Variants in ATG13 observed in about 807,000 individuals in gnomAD.
ATG13 encodes the protein autophagy related 13.
In ATG13, 23 loss-of-function variants were observed where a neutral mutation model predicts 65.5. That is an observed-to-expected ratio of 0.35 (90% confidence interval 0.25 to 0.50). The LOEUF (loss-of-function observed/expected upper bound fraction) is 0.50, where lower values mean the gene tolerates loss of function less well. ATG13 is among the 20% of genes least tolerant of loss of function. The pLI, the probability that ATG13 is intolerant of heterozygous loss-of-function variation, is 0.98. For synonymous variants in ATG13, 252 were observed against 245.2 expected (o/e 1.03, Z -0.26); for missense variants, 566 against 677.0 (o/e 0.84, Z 1.82).
chr11:46,642,275 A>G (rs994825432), intron 2 of ATG13, among the ~76,000 whole-genome samples: 3 of 141,954 alleles, frequency 2.1e-5, no homozygotes, highest in Non-Finnish European at 3.0e-5. Context: ...AAATCTTATC[A>G]GCTCTTCCTT....
At chr11:46,620,573 T>C (rs557959425) in intron 1 of ATG13, among the ~76,000 whole-genome samples, 1 of 151,602 alleles carries the variant, frequency 6.6e-6, no homozygotes, top group South Asian at 2.1e-4. Context: ...TTCGGGAGTT[T>C]GAGACTAGCT....
chr11:46,641,966 C>T (rs1248391877), intron 2 of ATG13, among the ~76,000 whole-genome samples: 4 of 151,798 alleles, frequency 2.6e-5, no homozygotes, highest in African/African-American at 7.3e-5. Flanking sequence ...TGATTAGAGA[C>T]GGGTTGTGCC....
Position 46,639,543 on chromosome 11 carries a change from C to T in ATG13, c.-13-4736C>T, listed in dbSNP as rs569517010. ...ACTGTAACAGGTCCATTGTTCATTT[C>T]GTGCAGCAAGTGAGTATGCGGAGAC... is the stretch of plus-strand genomic sequence containing the variant. On this transcript the variant is annotated intron_variant, in intron 2 of 18. Coordinates refer to ENST00000683050, the MANE Select transcript of ATG13 (RefSeq NM_001346311.2). Among the ~76,000 whole-genome samples, 64 of 152,108 alleles carry T rather than the reference C, an allele frequency of 4.2e-4. 1 individual carries two copies. Among genetic ancestry groups the T allele is most frequent in the African/African-American group, 1.4e-3 (58 of 41,510 alleles).
chr11:46,639,241 C>G (rs2055054583), intron 2 of ATG13, among the ~76,000 whole-genome samples: 1 of 152,170 alleles, frequency 6.6e-6, no homozygotes, highest in South Asian at 2.1e-4. Flanking sequence ...CTACCTTGGC[C>G]TCCCACAGTG....
chr11:46,657,313 A>G lies in ATG13; in HGVS notation c.596+122A>G, dbSNP rs1335317735. 8 of 1,027,700 alleles carry G rather than the reference A, an allele frequency of 7.8e-6. No homozygotes were observed. The East Asian group carries it at 1.3e-4, about 16-fold the overall frequency. 63.7% of individuals were successfully genotyped at this position (1,027,700 alleles called of 1,614,324 possible). A position where few individuals can be genotyped will look rare whatever the true frequency, so the allele number is the denominator to read the frequency against. Reference sequence around the variant, plus strand: ...TGAAAGCAGTACCTTCAGAAGAATAAAGAGAGAGTGCAGTTGCCAGATTGG... The same window carrying G: ...TGAAAGCAGTACCTTCAGAAGAATAGAGAGAGAGTGCAGTTGCCAGATTGG... On this transcript the variant is annotated intron_variant, in intron 9 of 18. Coordinates refer to ENST00000683050, the MANE Select transcript of ATG13 (RefSeq NM_001346311.2).
chr11:46,661,587 G>A (rs750452506), intron 11 of ATG13, among the ~76,000 whole-genome samples: 4 of 151,790 alleles, frequency 2.6e-5, no homozygotes, highest in Non-Finnish European at 5.9e-5. Flanking sequence ...CAGCCCTTAG[G>A]GAGGCCAAGG....
Position 46,635,802 on chromosome 11 carries a change from A to G in ATG13, c.-14+5702A>G, listed in dbSNP as rs142606124. Among the ~76,000 whole-genome samples, 20 of 152,302 alleles carry G rather than the reference A, an allele frequency of 1.3e-4. No individual in the cohort carries two copies. The East Asian group carries it at 3.7e-3, about 28-fold the overall frequency. On this transcript the variant is annotated intron_variant, in intron 2 of 18. Transcript: ENST00000683050. ...TAACTGTAGTTACATAATCCTTTCAATGCTACCAGTTGTACAAAAAGTCAT... is the reference window on the plus strand; with the variant it reads ...TAACTGTAGTTACATAATCCTTTCAGTGCTACCAGTTGTACAAAAAGTCAT...
chr11:46,667,224 C>G (rs1471138461), intron 14 of ATG13, among the ~76,000 whole-genome samples: 1 of 152,176 alleles, frequency 6.6e-6, no homozygotes, highest in Non-Finnish European at 1.5e-5. Flanking sequence ...CGTTTTTGGC[C>G]AGAGGACTTT....
At position 46,622,100 on chromosome 11, in the gene ATG13, TA is replaced by T. The variant is rs1565397896; in HGVS notation, c.-70+4211del. Among the ~76,000 whole-genome samples, 220 of 67,564 alleles carry T rather than the reference TA, an allele frequency of 3.3e-3. 4 individuals carry two copies. Among genetic ancestry groups the T allele is most frequent in the African/African-American group, 0.013 (196 of 14,788 alleles). The allele number at this position is 67,564 out of a possible 152,430, so 44.3% of individuals were successfully genotyped here. On this transcript the variant is annotated intron_variant, in intron 1 of 18. Transcript: ENST00000683050. ...ACATATATATATATATATATATATA[TA>T]TATATATATATATATATATATATAT... is the stretch of plus-strand genomic sequence containing the variant.
intron 7 of ATG13, among the ~76,000 whole-genome samples, chr11:46,652,281 G>T (rs2136503215): frequency 6.6e-6 from 1 of 151,810 alleles, no homozygotes; most frequent in South Asian, 2.1e-4. Context: ...CTGCTCACAG[G>T]ATGTTGATCA....
chr11:46,645,796 C>T (rs1254752921), intron 4 of ATG13, 74 bp from the exon 5 acceptor site: 8 of 1,584,518 alleles, frequency 5.0e-6, no homozygotes, highest in Non-Finnish European at 6.9e-6. Context: ...ACTTGCATTA[C>T]CCAGCATACA....
chr11:46,629,971 AG>A (rs2051120107), intron 1 of ATG13, 73 bp from the exon 2 acceptor site: 1 of 152,202 alleles, frequency 6.6e-6, no homozygotes, highest in African/African-American at 2.4e-5. Context: ...TTCTGTTTAA[AG>A]AGATGCGGTC....
intron 2 of ATG13, among the ~76,000 whole-genome samples, chr11:46,631,884 C>T (rs2051894017): frequency 6.6e-6 from 1 of 152,134 alleles, no homozygotes; most frequent in South Asian, 2.1e-4. Context: ...TGTCTCAAAA[C>T]AAAAACAACC....
chr11:46,649,980 T>C (rs1236948000), intron 6 of ATG13, among the ~76,000 whole-genome samples, 197 bp from the exon 7 acceptor site: 1 of 152,180 alleles, frequency 6.6e-6, no homozygotes, highest in Non-Finnish European at 1.5e-5. Context: ...AGAAAAAATA[T>C]ATTGGGTGCC....
chr11:46,664,026 T>C lies in ATG13; in HGVS notation c.819T>C (p.Phe273=). 6.3e-7 allele frequency: 1 copy of C among 1,597,702 alleles called. No homozygotes were observed. Among genetic ancestry groups the C allele is most frequent in the South Asian group, 1.1e-5 (1 of 90,988 alleles). The change falls in exon 12 of 19, where the codon TTT becomes TTC. Residue 273 remains phenylalanine, a synonymous_variant. Transcript: ENST00000683050. The stretch of plus-strand genomic sequence containing the variant: ...TGTTTACTGTCACAAAGGCACATTT[T>C]CAGACCCCTACTCCTGTGGTGACGG... ...QCVFTVTKAH[F]QTPTPVVTDT...
rs1417937308 is a variant in ATG13, at chr11:46,666,018, G to C, written c.1136+499G>C. Among the ~76,000 whole-genome samples, 3 of 151,848 alleles carry C rather than the reference G, an allele frequency of 2.0e-5. No individual in the cohort carries two copies. In the East Asian group the frequency reaches 5.8e-4, roughly 29 times the overall value. On this transcript the variant is annotated intron_variant, in intron 14 of 18. Transcript: ENST00000683050. ...TGGGGGGTCTCGTCATATTACCTAG[G>C]CTGGTCTCGAACTCCTGGCTTCCAG...
In ATG13 at chr11:46,674,176, C is replaced by T. The variant is rs1484684375; in HGVS notation, c.*1844C>T. 2 of 152,228 alleles carry T rather than the reference C, an allele frequency of 1.3e-5. No homozygotes were observed. The highest frequency in any genetic ancestry group is 4.8e-5 in the African/African-American group (2 of 41,452). The allele number at this position is 152,228 out of a possible 1,614,324, so 9.4% of individuals were successfully genotyped here. A position where few individuals can be genotyped will look rare whatever the true frequency, so the allele number is the denominator to read the frequency against. Reference sequence around the variant, plus strand: ...CTTTCCAAGGCCTTGCATGGAAAGGCCTAGCCATTGTCTGAGGCAGCAATC... The same window carrying T: ...CTTTCCAAGGCCTTGCATGGAAAGGTCTAGCCATTGTCTGAGGCAGCAATC... On this transcript the variant is annotated 3_prime_UTR_variant, in exon 19 of 19. Coordinates refer to ENST00000683050, the MANE Select transcript of ATG13 (RefSeq NM_001346311.2).
At chr11:46,648,309 T>A (rs1216885190) in intron 5 of ATG13, among the ~76,000 whole-genome samples, 1 of 152,060 alleles carries the variant, frequency 6.6e-6, no homozygotes, top group African/African-American at 2.4e-5. Flanking sequence ...ATTACAGGCG[T>A]GAGCCACCAT....
chr11:46,661,020 T>G (rs1426922764), intron 11 of ATG13, among the ~76,000 whole-genome samples: 1 of 151,744 alleles, frequency 6.6e-6, no homozygotes, highest in Non-Finnish European at 1.5e-5. Context: ...CTTCTGTGTT[T>G]TTTGTTTTGT....
Sources: allele counts gnomAD v4.1 joint callset (sites outside exome capture counted in the v4.1 genomes callset), GRCh38; gene constraint gnomAD v4.1.1; transcripts MANE v1.5; gene names NCBI Gene and HGNC (gene_info 2026-07-23, HGNC 2026-07-21).